XKR4: variants seen among roughly 807,000 people sequenced by gnomAD.
XKR4 encodes the protein XK-related protein 4.
A neutral mutation model predicts 53.9 loss-of-function variants in XKR4; 12 were observed. The observed-to-expected ratio is 0.22, with a 90% CI of 0.14 to 0.36. The LOEUF (loss-of-function observed/expected upper bound fraction) is 0.36. XKR4 is among the 10% of genes least tolerant of loss of function. XKR4 has a pLI of 1.00. For synonymous variants in XKR4, 354 were observed against 362.4 expected (o/e 0.98, Z 0.26); for missense variants, 799 against 859.5 (o/e 0.93, Z 0.88).
At chr8:55,404,956 C>T (rs934855812) in intron 2 of XKR4, among the ~76,000 whole-genome samples, 4 of 152,282 alleles carry the variant, frequency 2.6e-5, no homozygotes, top group Admixed American at 6.5e-5. Context: ...CGTTGCGCTG[C>T]GGCTTTATGT....
chr8:55,107,362 C>G (rs375844847), intron 1 of XKR4, among the ~76,000 whole-genome samples: 1 of 152,178 alleles, frequency 6.6e-6, no homozygotes, highest in African/African-American at 2.4e-5. Flanking sequence ...CTGGCTACCT[C>G]CAAATGCCAA....
At chr8:55,112,104 A>G (rs1366181966) in intron 1 of XKR4, among the ~76,000 whole-genome samples, 1 of 152,212 alleles carries the variant, frequency 6.6e-6, no homozygotes, top group East Asian at 1.9e-4. Context: ...CCAACATTTC[A>G]GATTTAAAAT....
chr8:55,453,241 C>A, intron 2 of XKR4: 2 of 492,238 alleles, frequency 4.1e-6, no homozygotes, highest in South Asian at 1.5e-5. Flanking sequence ...CCAGAGGCAG[C>A]AGAGCAGCCG....
chr8:55,321,315 C>G (rs752003870), intron 1 of XKR4, among the ~76,000 whole-genome samples: 1 of 152,208 alleles, frequency 6.6e-6, no homozygotes, highest in Non-Finnish European at 1.5e-5. Context: ...ATCACCAGCT[C>G]CTCAGCCCTG....
At chr8:55,402,172 A>G (rs972561127) in intron 2 of XKR4, among the ~76,000 whole-genome samples, 4 of 152,208 alleles carry the variant, frequency 2.6e-5, no homozygotes, top group Non-Finnish European at 5.9e-5. Context: ...TTTTACTTCA[A>G]AGACCCTTGG....
At chr8:55,437,570 T>C (rs771389316) in intron 2 of XKR4, among the ~76,000 whole-genome samples, 4 of 152,222 alleles carry the variant, frequency 2.6e-5, no homozygotes, top group African/African-American at 9.6e-5. Context: ...AAAAATCATA[T>C]GGATCTGAGA....
chr8:55,273,587 A>G (rs568967822), intron 1 of XKR4, among the ~76,000 whole-genome samples: 2 of 152,272 alleles, frequency 1.3e-5, no homozygotes, highest in African/African-American at 4.8e-5. Context: ...CCTGCACTTG[A>G]TGGATCAGCT....
intron 2 of XKR4, among the ~76,000 whole-genome samples, chr8:55,480,640 T>C (rs911819401): frequency 3.3e-5 from 5 of 152,030 alleles, no homozygotes; most frequent in African/African-American, 1.2e-4. Context: ...CATGATTGTA[T>C]ATTTAGAAAA....
chr8:55,447,343 A>C (rs902721192), intron 2 of XKR4, among the ~76,000 whole-genome samples: 5 of 152,226 alleles, frequency 3.3e-5, no homozygotes, highest in Non-Finnish European at 5.9e-5. Context: ...AGTTGAGATC[A>C]CAGAAGGTAG....
At chr8:55,231,399 C>T (rs893790037) in intron 1 of XKR4, among the ~76,000 whole-genome samples, 1 of 152,194 alleles carries the variant, frequency 6.6e-6, no homozygotes, top group African/African-American at 2.4e-5. Context: ...ATCTGCCCTT[C>T]CATTTCACTT....
chr8:55,259,408 C>T (rs146067404), intron 1 of XKR4, among the ~76,000 whole-genome samples: 7 of 152,308 alleles, frequency 4.6e-5, no homozygotes, highest in Middle Eastern at 6.8e-3. Context: ...GAGTTGATTT[C>T]GTTCTCCTAC....
intron 1 of XKR4, among the ~76,000 whole-genome samples, chr8:55,308,037 G>A (rs1334429915): frequency 2.0e-5 from 3 of 152,052 alleles, no homozygotes; most frequent in African/African-American, 2.4e-5. Context: ...GGCAGATCAC[G>A]AGGTCAGGAG....
chr8:55,511,669 C>A (rs1806628083), intron 2 of XKR4, among the ~76,000 whole-genome samples: 1 of 152,210 alleles, frequency 6.6e-6, no homozygotes, highest in African/African-American at 2.4e-5. Flanking sequence ...TTTTTTCCAA[C>A]AAAGTGGACT....
At chr8:55,356,962 ATT>A (rs547205924) in intron 1 of XKR4, among the ~76,000 whole-genome samples, 1 of 152,136 alleles carries the variant, frequency 6.6e-6, no homozygotes, top group Admixed American at 6.6e-5. Flanking sequence ...TGATTTTAAT[ATT>A]TTCTTTTCTC....
chr8:55,311,500 A>G (rs1308026452), intron 1 of XKR4, among the ~76,000 whole-genome samples: 3 of 152,184 alleles, frequency 2.0e-5, no homozygotes, highest in African/African-American at 4.8e-5. Context: ...GGGCAGCTGG[A>G]GATGTGGCTA....
At chr8:55,185,143 T>C (rs1817359753) in intron 1 of XKR4, among the ~76,000 whole-genome samples, 1 of 152,250 alleles carries the variant, frequency 6.6e-6, no homozygotes, top group South Asian at 2.1e-4. Flanking sequence ...TTTTAATAGC[T>C]TGGTTTGATG....
intron 2 of XKR4, among the ~76,000 whole-genome samples, chr8:55,481,966 A>T (rs1340969425): frequency 1.3e-5 from 2 of 152,230 alleles, no homozygotes; most frequent in Non-Finnish European, 2.9e-5. Context: ...ATCTAGTTCA[A>T]CCATTGTGGA....
chr8:55,201,654 C>T (rs1280485808), intron 1 of XKR4, among the ~76,000 whole-genome samples: 1 of 152,160 alleles, frequency 6.6e-6, no homozygotes, highest in Admixed American at 6.5e-5. Flanking sequence ...AGCTTTGTAA[C>T]CATAAGCTAT....
At chr8:55,449,465 T>A in intron 2 of XKR4, 2 of 935,318 alleles carry the variant, frequency 2.1e-6, no homozygotes, top group Non-Finnish European at 3.4e-6. Context: ...CCCCTAGTGG[T>A]CGGTAACGAC....
Sources: gnomAD v4.1 joint callset for allele counts (sites outside exome capture counted in the v4.1 genomes callset) on GRCh38, gnomAD v4.1.1 for gene constraint, MANE v1.5 for transcripts, NCBI Gene and HGNC (gene_info 2026-07-23, HGNC 2026-07-21) for gene names.